RBFOX3: variants seen among roughly 807,000 people sequenced by gnomAD.
The protein encoded by RBFOX3 is RNA binding fox-1 homolog 3, also known as RNA binding protein fox-1 homolog 3.
Under a neutral mutation model 48.7 loss-of-function variants are expected in RBFOX3, and 17 were observed. The ratio of observed to expected loss-of-function variants is 0.35; its 90% CI spans 0.24 to 0.52. The LOEUF is 0.52. RBFOX3 is among the 20% of genes least tolerant of loss of function. The pLI is 0.94. For synonymous variants in RBFOX3, 212 were observed against 209.5 expected, an observed-to-expected ratio of 1.01 and a Z score of -0.10; for missense variants, 382 against 497.5, an observed-to-expected ratio of 0.77 and a Z score of 2.21.
the RBFOX3 span, among the ~76,000 whole-genome samples, chr17:79,631,189 T>A: frequency 2.0e-5 from 3 of 152,086 alleles, no homozygotes; most frequent in African/African-American, 7.2e-5. Context: ...CCCAGGCGGC[T>A]CCAGTGTGAG....
chr17:79,127,887 G>A (rs2037734009), intron 4 of RBFOX3, among the ~76,000 whole-genome samples: 1 of 152,222 alleles, frequency 6.6e-6, no homozygotes. Flanking sequence ...GAGAAAATGG[G>A]CACCGGAGAG....
At chr17:79,384,074 G>A (rs1164729768) in intron 2 of RBFOX3, among the ~76,000 whole-genome samples, 14 of 152,184 alleles carry the variant, frequency 9.2e-5, no homozygotes. Flanking sequence ...TCTCGCAGCC[G>A]CCACATGCCC....
rs539840104 is a variant in RBFOX3, at chr17:79,220,585, G to A, written c.-34+15181C>T. ...CTGATTCCAGCGCTCATCAAGCAGG[G>A]GACCCAGGGGAGGGTGTGTGTGTGT... On this transcript the variant is annotated intron_variant, in intron 4 of 14. Coordinates refer to ENST00000693108, the MANE Select transcript of RBFOX3 (RefSeq NM_001350451.2). The surrounding 1 kb of genome is among the most constrained non-coding windows in gnomAD (Gnocchi z 5.9). 2.0e-5 allele frequency among the ~76,000 whole-genome samples: 3 copies of A among 148,698 alleles called. No individual in the cohort carries two copies. Among genetic ancestry groups the A allele is most frequent in the Non-Finnish European group, 4.4e-5 (3 of 67,754 alleles).
intron 4 of RBFOX3, among the ~76,000 whole-genome samples, chr17:79,152,836 C>A (rs1418474910): frequency 6.6e-6 from 1 of 152,206 alleles, no homozygotes; most frequent in Admixed American, 6.5e-5. Context: ...CCTCCCACAC[C>A]AGGAACACGG....
intron 3 of RBFOX3, among the ~76,000 whole-genome samples, chr17:79,240,741 G>T (rs2062235795): frequency 6.6e-6 from 1 of 152,100 alleles, no homozygotes; most frequent in African/African-American, 2.4e-5. Flanking sequence ...TCAGCTCACT[G>T]CAAGCTCCGC....
rs1021977528 is a variant in RBFOX3 at position 79,199,706 on chromosome 17, C to T, written c.-34+36060G>A. 1.3e-5 allele frequency among the ~76,000 whole-genome samples: 2 copies of T among 152,222 alleles called. No individual in the cohort carries two copies. The highest frequency in any genetic ancestry group is 2.9e-5 in the Non-Finnish European group (2 of 68,040). On this transcript the variant is annotated intron_variant, in intron 4 of 14. Coordinates refer to ENST00000693108, the MANE Select transcript of RBFOX3 (RefSeq NM_001350451.2). The surrounding 1 kb of genome is among the most constrained non-coding windows in gnomAD (Gnocchi z 5.1). ...CTTCATTTCCAAGAGTCACACATGGCTCCTGGTGACCATATTGACACAGAT... is the reference window on the plus strand; with the variant it reads ...CTTCATTTCCAAGAGTCACACATGGTTCCTGGTGACCATATTGACACAGAT...
At chr17:79,581,208 A>G (rs2144806052) in intron 1 of RBFOX3, among the ~76,000 whole-genome samples, 1 of 152,320 alleles carries the variant, frequency 6.6e-6, no homozygotes, top group South Asian at 2.1e-4. Flanking sequence ...AGATCGTGCC[A>G]CTGCACTCCA....
intron 8 of RBFOX3, among the ~76,000 whole-genome samples, chr17:79,102,381 G>T (rs1026949625): frequency 1.3e-5 from 2 of 152,226 alleles, no homozygotes; most frequent in Non-Finnish European, 1.5e-5. Context: ...GCCTGGCCAA[G>T]CCAGTGCCTT....
At chr17:79,639,085 A>G in the RBFOX3 span, among the ~76,000 whole-genome samples, 3 of 152,204 alleles carry the variant, frequency 2.0e-5, no homozygotes, top group African/African-American at 4.8e-5. Context: ...GGAACAATCA[A>G]AGAACTAATA....
intron 2 of RBFOX3, among the ~76,000 whole-genome samples, chr17:79,406,445 A>G (rs1464288594): frequency 6.6e-6 from 1 of 152,170 alleles, no homozygotes; most frequent in Non-Finnish European, 1.5e-5. Context: ...GTGTCCAGGC[A>G]GGACAGCCAC....
At chr17:79,308,623 G>T (rs2076398926) in intron 2 of RBFOX3, among the ~76,000 whole-genome samples, 2 of 152,168 alleles carry the variant, frequency 1.3e-5, no homozygotes, top group African/African-American at 2.4e-5. Context: ...AAATGTGATG[G>T]TATTTGAAGG....
At chr17:79,291,629 A>C (rs551720319) in intron 3 of RBFOX3, among the ~76,000 whole-genome samples, 1 of 152,174 alleles carries the variant, frequency 6.6e-6, no homozygotes, top group Non-Finnish European at 1.5e-5. Flanking sequence ...CAGAGCCGGA[A>C]TGGCTCACTG....
intron 1 of RBFOX3, among the ~76,000 whole-genome samples, chr17:79,494,835 G>A (rs113038763): frequency 2.6e-4 from 40 of 152,264 alleles, no homozygotes; most frequent in African/African-American, 7.7e-4. Flanking sequence ...ACCAGCATCC[G>A]GTCCAGGGCC....
intron 2 of RBFOX3, among the ~76,000 whole-genome samples, chr17:79,420,946 C>A (rs1023920307): frequency 4.6e-5 from 7 of 152,200 alleles, no homozygotes; most frequent in Non-Finnish European, 8.8e-5. Context: ...GTACACCTCC[C>A]AAGCCGCCAT....
At chr17:79,229,933 C>T (rs1186069521) in intron 4 of RBFOX3, among the ~76,000 whole-genome samples, 2 of 152,214 alleles carry the variant, frequency 1.3e-5, no homozygotes, top group Non-Finnish European at 2.9e-5. Flanking sequence ...GCAGGTTTCA[C>T]TTGTGATGAC....
chr17:79,562,993 G>A (rs2092306670), intron 1 of RBFOX3, among the ~76,000 whole-genome samples: 1 of 152,218 alleles, frequency 6.6e-6, no homozygotes, highest in Non-Finnish European at 1.5e-5. Context: ...TGAAAACCTG[G>A]AGATGAGGCC....
At chr17:79,494,688 C>G (rs1037573839) in intron 1 of RBFOX3, among the ~76,000 whole-genome samples, 25 of 152,296 alleles carry the variant, frequency 1.6e-4, no homozygotes, top group African/African-American at 4.1e-4. Flanking sequence ...CCCTCCCATG[C>G]CCAGGCAAGG....
intron 2 of RBFOX3, among the ~76,000 whole-genome samples, chr17:79,316,949 C>T (rs527291967): frequency 7.2e-5 from 11 of 152,364 alleles, no homozygotes; most frequent in African/African-American, 2.6e-4. Context: ...GCACATATGC[C>T]TGCACACAAG....
intron 1 of RBFOX3, among the ~76,000 whole-genome samples, chr17:79,498,706 G>A (rs2081950086): frequency 7.8e-6 from 1 of 128,124 alleles, no homozygotes; most frequent in African/African-American, 3.0e-5. Flanking sequence ...ACCTACTCAT[G>A]CAGCCATCCT....
Sources: gnomAD v4.1 joint callset for allele counts (sites outside exome capture counted in the v4.1 genomes callset) on GRCh38, gnomAD v4.1.1 for gene constraint, Gnocchi (gnomAD v3.1) non-coding constraint, MANE v1.5 for transcripts, NCBI Gene and HGNC (gene_info 2026-07-23, HGNC 2026-07-21) for gene names.